UBXN2A: variants seen among roughly 807,000 people sequenced by gnomAD.
UBXN2A encodes UBX domain-containing protein 2A.
A neutral mutation model predicts 28.4 loss-of-function variants in UBXN2A; 28 were observed. That is an observed-to-expected ratio of 0.99 (90% confidence interval 0.73 to 1.35). UBXN2A has a LOEUF of 1.35. UBXN2A is among the 40% of genes most tolerant of loss of function. The pLI, the probability that UBXN2A is intolerant of heterozygous loss-of-function variation, is 0.00. For synonymous variants in UBXN2A, 97 were observed against 103.6 expected (o/e 0.94, Z 0.39); for missense variants, 253 against 297.9 (o/e 0.85, Z 1.11).
At chr2:23,958,403 C>T (rs375500818) in intron 2 of UBXN2A, 48 bp downstream of exon 2, 34 of 1,519,266 alleles carry the variant, frequency 2.2e-5, no homozygotes, top group Middle Eastern at 1.7e-4. Flanking sequence ...TTGTTAATAT[C>T]GTCCTGTATT....
intron 1 of UBXN2A, among the ~76,000 whole-genome samples, chr2:23,942,475 G>T (rs1207777409): frequency 6.9e-6 from 1 of 143,974 alleles, no homozygotes; most frequent in African/African-American, 2.6e-5. Context: ...CCAGGCTGGA[G>T]TGCAGCGGCA....
intron 1 of UBXN2A, among the ~76,000 whole-genome samples, chr2:23,954,731 A>T (rs983461170): frequency 2.7e-5 from 4 of 149,422 alleles, no homozygotes; most frequent in African/African-American, 9.8e-5. Context: ...CTATTCACAC[A>T]AGTCCTTTGC....
intron 3 of UBXN2A, among the ~76,000 whole-genome samples, chr2:23,971,637 C>T (rs1414509201): frequency 3.9e-5 from 6 of 152,102 alleles, no homozygotes; most frequent in African/African-American, 1.4e-4. Context: ...CCTCAGCACA[C>T]ACCACCATGC....
intron 2 of UBXN2A, among the ~76,000 whole-genome samples, chr2:23,966,750 CTT>C (rs70944704): frequency 0.17 from 12,740 of 76,848 alleles, 704 homozygotes; most frequent in Middle Eastern, 0.24. Context: ...CGCGCCCGGC[CTT>C]TTTTTTTTTT....
At chr2:23,990,997 A>G (rs1307646447) in intron 6 of UBXN2A, among the ~76,000 whole-genome samples, 1 of 152,048 alleles carries the variant, frequency 6.6e-6, no homozygotes, top group East Asian at 1.9e-4. Context: ...GACATCCTAC[A>G]CTAGACAGCT....
chr2:23,940,895 T>G (rs932748210), intron 1 of UBXN2A, among the ~76,000 whole-genome samples: 2 of 152,098 alleles, frequency 1.3e-5, no homozygotes, highest in African/African-American at 2.4e-5. Flanking sequence ...GCCTGCGGCT[T>G]GACTTGCGAG....
At chr2:23,987,621 AC>A (rs1384954687) in intron 6 of UBXN2A, among the ~76,000 whole-genome samples, 2 of 151,898 alleles carry the variant, frequency 1.3e-5, no homozygotes, top group Non-Finnish European at 2.9e-5. Context: ...TACTAAAAAT[AC>A]AAAAAATTAG....
At chr2:23,964,584 G>T (rs1707087762) in intron 2 of UBXN2A, among the ~76,000 whole-genome samples, 1 of 152,178 alleles carries the variant, frequency 6.6e-6, no homozygotes, top group South Asian at 2.1e-4. Flanking sequence ...AATGGTGGTT[G>T]CCAGGGGCTA....
chr2:23,995,660 T>A (rs1404421313), intron 6 of UBXN2A, among the ~76,000 whole-genome samples: 3 of 141,584 alleles, frequency 2.1e-5, no homozygotes, highest in Non-Finnish European at 4.5e-5. Flanking sequence ...GCCACTGCAC[T>A]CCAGCCTGGG....
intron 1 of UBXN2A, among the ~76,000 whole-genome samples, chr2:23,934,084 T>G (rs1194989234): frequency 6.6e-6 from 1 of 151,798 alleles, no homozygotes; most frequent in African/African-American, 2.4e-5. Context: ...GGTGTGGTGG[T>G]GCACGCCTGT....
upstream of UBXN2A, chr2:23,940,388 G>T (rs1433455307): frequency 6.7e-6 from 1 of 150,216 alleles, no homozygotes; most frequent in African/African-American, 2.4e-5. Context: ...GCCCGGCCGC[G>T]GCAAGCCCCG....
chr2:23,990,174 C>T (rs1038808684), intron 6 of UBXN2A, among the ~76,000 whole-genome samples: 1 of 151,660 alleles, frequency 6.6e-6, no homozygotes, highest in Admixed American at 6.6e-5. Context: ...CCCCAGGGCA[C>T]CCCTTCACTG....
chr2:23,997,627 T>C (rs1482086791), intron 6 of UBXN2A, among the ~76,000 whole-genome samples: 3 of 151,714 alleles, frequency 2.0e-5, no homozygotes, highest in South Asian at 2.1e-4. Flanking sequence ...TTTGTATTTT[T>C]AGTAGAGACG....
rs374301758 is a variant in UBXN2A at position 23,980,622 on chromosome 2, ATTTG to A, written c.288-2258_288-2255del. Among the ~76,000 whole-genome samples the A allele has an allele frequency of 7.3e-3, 1,105 of 151,346 alleles. 10 individuals are homozygous for A. Among genetic ancestry groups the A allele is most frequent in the African/African-American group, 0.025 (1,033 of 41,218 alleles). ...TTCAAATCCTCTGTCCAGTTTTTTTATTTGTTTGTTTGTTTGTTTTTTTGAGACA... is the reference window on the plus strand; with the variant it reads ...TTCAAATCCTCTGTCCAGTTTTTTTATTTGTTTGTTTGTTTTTTTGAGACA... On this transcript the variant is annotated intron_variant, in intron 4 of 6. Transcript: ENST00000309033.
intron 2 of UBXN2A, among the ~76,000 whole-genome samples, chr2:23,964,332 T>A (rs1457654854): frequency 6.6e-6 from 1 of 152,046 alleles, no homozygotes; most frequent in Non-Finnish European, 1.5e-5. Flanking sequence ...TGCCTCAGCC[T>A]CCTGAGTAGC....
intron 4 of UBXN2A, among the ~76,000 whole-genome samples, chr2:23,979,300 A>G (rs1436584254): frequency 6.6e-6 from 1 of 152,104 alleles, no homozygotes; most frequent in Middle Eastern, 3.4e-3. Context: ...AGCTGAGATC[A>G]TGCTACTGCA....
upstream of UBXN2A, chr2:23,940,302 T>A (rs1401091973): frequency 6.6e-6 from 1 of 151,800 alleles, no homozygotes; most frequent in Non-Finnish European, 1.5e-5. Flanking sequence ...CCCCTACCCA[T>A]GAAGGCAGCT....
intron 1 of UBXN2A, among the ~76,000 whole-genome samples, chr2:23,945,813 T>TTCTTTTTTTTTCTTC: frequency 6.6e-6 from 1 of 152,072 alleles, no homozygotes; most frequent in East Asian, 1.9e-4. Flanking sequence ...ATGCATTTAA[T>TTCTTTTTTTTTCTTC]TCTTTTTTTT....
intron 4 of UBXN2A, among the ~76,000 whole-genome samples, chr2:23,978,790 C>T (rs917530286): frequency 3.0e-4 from 46 of 151,764 alleles, no homozygotes; most frequent in South Asian, 1.3e-3. Context: ...AGTGAAACCC[C>T]GTCTCTACTA....
Sources: allele counts gnomAD v4.1 joint callset (sites outside exome capture counted in the v4.1 genomes callset), GRCh38; gene constraint gnomAD v4.1.1; transcripts MANE v1.5; gene names NCBI Gene and HGNC (gene_info 2026-07-23, HGNC 2026-07-21).